DDX27: variants seen among roughly 807,000 people sequenced by gnomAD.
DDX27 encodes the protein probable ATP-dependent RNA helicase DDX27.
In DDX27, 42 loss-of-function variants were observed where a neutral mutation model predicts 99.3. That is an observed-to-expected ratio of 0.42 (90% CI 0.33 to 0.55). DDX27 has a LOEUF of 0.55. DDX27 is among the 20% of genes least tolerant of loss of function. The pLI, the probability that DDX27 is intolerant of heterozygous loss-of-function variation, is 0.07. For missense variants in DDX27, 798 were observed against 976.8 expected, an observed-to-expected ratio of 0.82 and a Z score of 2.44; for synonymous variants, 329 against 353.8, an observed-to-expected ratio of 0.93 and a Z score of 0.79.
chr20:49,220,159 C>T (rs1424465940), intron 1 of DDX27, among the ~76,000 whole-genome samples: 2 of 152,310 alleles, frequency 1.3e-5, no homozygotes, highest in African/African-American at 4.8e-5. Flanking sequence ...CCCATGGCCT[C>T]TACAAATTCA....
intron 16 of DDX27, among the ~76,000 whole-genome samples, chr20:49,240,629 G>T (rs531333625): frequency 1.3e-5 from 2 of 152,046 alleles, no homozygotes; most frequent in Non-Finnish European, 2.9e-5. Context: ...GGATTTCACC[G>T]TGTTAGCCAG....
chr20:49,233,994 G>A (rs1980218142), intron 11 of DDX27: 1 of 351,102 alleles, frequency 2.8e-6, no homozygotes, highest in South Asian at 6.5e-5. Context: ...TCTGTCGCCT[G>A]GATCGTTGCG....
chr20:49,234,670 C>T (rs1980246196), intron 11 of DDX27: 1 of 334,900 alleles, frequency 3.0e-6, no homozygotes, highest in Admixed American at 4.6e-5. Context: ...GATCATCTGC[C>T]TTGTCATTCA....
In DDX27 at chr20:49,219,442, C is replaced by A. The variant is rs763169436; in HGVS notation, c.-7C>A. On this transcript the variant is annotated 5_prime_UTR_variant, in exon 1 of 21. Coordinates refer to ENST00000618172, the MANE Select transcript of DDX27 (RefSeq NM_017895.8). ...TGCTCGCTTCCGGAAGTGGCTTCTG[C>A]GACAACATGCTTGCGGACCTCGGCT... 1.2e-6 allele frequency: 2 copies of A among 1,614,042 alleles called. No homozygotes were observed. Among genetic ancestry groups the A allele is most frequent in the Admixed American group, 1.7e-5 (1 of 60,000 alleles).
chr20:49,238,054 C>G (rs1898548121), intron 14 of DDX27: 1 of 152,222 alleles, frequency 6.6e-6, no homozygotes, highest in Non-Finnish European at 1.5e-5. Flanking sequence ...GAGTCTTGCT[C>G]TGTTGCCAGG....
chr20:49,236,076 TG>T lies in DDX27; in HGVS notation c.1428-73del. On this transcript the variant is annotated intron_variant, in intron 12 of 20. Coordinates refer to ENST00000618172, the MANE Select transcript of DDX27 (RefSeq NM_017895.8). This position sits in a 1 kb window ranked among gnomAD's most constrained non-coding sequence, Gnocchi z 4.1. Reference sequence around the variant, plus strand: ...CATTTTAATGCCCTGTTCTGTCCTCTGCTGGCTCAGGCTCTTGTGGAGCATT... The same window carrying T: ...CATTTTAATGCCCTGTTCTGTCCTCTCTGGCTCAGGCTCTTGTGGAGCATT... 2 of 1,437,696 alleles carry T rather than the reference TG, an allele frequency of 1.4e-6. No individual in the cohort carries two copies. Among genetic ancestry groups the T allele is most frequent in the Non-Finnish European group, 1.9e-6 (2 of 1,044,676 alleles). The allele number at this position is 1,437,696 out of a possible 1,614,324, so 89.1% of individuals were successfully genotyped here. A position where few individuals can be genotyped will look rare whatever the true frequency, so the allele number is the denominator to read the frequency against.
In DDX27 at chr20:49,239,071, G is replaced by A. The variant is rs753299754; in HGVS notation, c.1794+16G>A. ...AGAAGCCCAGGTGAGGCTGCGAGGC[G>A]GGATCTTGTTCACAAGGCTGCTCAG... On this transcript the variant is annotated intron_variant, in intron 15 of 20. Coordinates refer to ENST00000618172, the MANE Select transcript of DDX27 (RefSeq NM_017895.8). 10 of 1,604,728 alleles carry A rather than the reference G, an allele frequency of 6.2e-6. No individual in the cohort carries two copies. In the East Asian group the frequency reaches 8.9e-5, roughly 14 times the overall value.
chr20:49,242,871 G>A (rs528392165), intron 19 of DDX27, among the ~76,000 whole-genome samples, 190 bp downstream of exon 19: 3 of 152,038 alleles, frequency 2.0e-5, no homozygotes, highest in African/African-American at 7.3e-5. Context: ...ATAGGCGCAC[G>A]CCACCATGCC....
At chr20:49,228,083 C>T (rs981758790) in intron 7 of DDX27, among the ~76,000 whole-genome samples, 1 of 151,680 alleles carries the variant, frequency 6.6e-6, no homozygotes, top group Admixed American at 6.6e-5. Context: ...TCATGATCCA[C>T]CTGCCTCAGC....
chr20:49,223,255 A>G lies in DDX27; in HGVS notation c.301-13A>G. ...GAAGTTTCTCATCACCCTCACTTTA[A>G]TTTTTTTCCCAGGATAAAGAAGCCA... On this transcript the variant is annotated splice_polypyrimidine_tract_variant and intron_variant, in intron 3 of 20. Coordinates refer to ENST00000618172, the MANE Select transcript of DDX27 (RefSeq NM_017895.8). 6.2e-7 allele frequency: 1 copy of G among 1,601,030 alleles called. No homozygotes were observed. The highest frequency in any genetic ancestry group is 8.5e-7 in the Non-Finnish European group (1 of 1,176,596).
chr20:49,219,538 G>C lies in DDX27; in HGVS notation c.90G>C (p.Glu30Asp). The C allele has an allele frequency of 6.2e-7, 1 of 1,613,708 alleles. No homozygotes were observed. The highest frequency in any genetic ancestry group is 1.1e-5 in the South Asian group (1 of 91,038). ...AGTCTGACTCCGGGGACGAGGAAGA[G>C]GAGGTATGAGCACGGTTCTGGTCTT... is the stretch of plus-strand genomic sequence containing the variant. ...EPESDSGDEE[E>D]EGPIVLGRRQ... is the part of the protein sequence containing the mutation. Residue 30 changes from glutamate (E) to aspartate (D), a missense_variant, in exon 1 of 21, where the codon GAG becomes GAC. Physicochemically the swap from Glu to Asp is conservative, Grantham distance 45. Around this residue, in one of 2 missense-constraint regions of DDX27, gnomAD observed 245 missense variants for 248.8 expected, o/e 0.98. Transcript: ENST00000618172.
chr20:49,223,117 T>G, intron 3 of DDX27, 101 bp downstream of exon 3: 1 of 1,369,994 alleles, frequency 7.3e-7, no homozygotes, highest in East Asian at 2.3e-5. Context: ...GGGGCATGGC[T>G]GGGGCAGGCG....
At chr20:49,228,642 T>C in intron 7 of DDX27, 73 bp from the exon 8 acceptor site, 1 of 1,362,236 alleles carries the variant, frequency 7.3e-7, no homozygotes, top group Admixed American at 2.5e-5. Context: ...AGTTTTTCTG[T>C]GCTCTGGTGA....
chr20:49,228,801 G>T lies in DDX27; in HGVS notation c.793G>T (p.Val265Leu). ...TCCAGTCACCCGCGTGCTGGTGCTA[G>T]TGCCCACCCGAGAGCTGGGCATCCA... ...QAPVTRVLVL[V>L]PTRELGIQVH... is the part of the protein sequence containing the mutation. The change falls in exon 8 of 21, where the codon GTG becomes TTG. Residue 265 changes from valine to leucine, a missense_variant. Val to Leu is a conservative substitution (Grantham distance 32). Transcript: ENST00000618172. 1.2e-6 allele frequency: 2 copies of T among 1,613,398 alleles called. No homozygotes were observed. The highest frequency in any genetic ancestry group is 2.2e-5 in the South Asian group (2 of 90,996).
intron 9 of DDX27, among the ~76,000 whole-genome samples, chr20:49,232,083 C>T (rs1010695429): frequency 7.2e-5 from 11 of 151,976 alleles, no homozygotes; most frequent in Non-Finnish European, 1.3e-4. Flanking sequence ...GACGGGGTCT[C>T]GCTATGTTGT....
At chr20:49,229,329 C>T (rs762714478) in intron 8 of DDX27, among the ~76,000 whole-genome samples, 8 of 152,092 alleles carry the variant, frequency 5.3e-5, no homozygotes, top group Non-Finnish European at 5.9e-5. Context: ...CGCACCCAGC[C>T]GACATGTTTT....
rs145336910 is a variant in DDX27, at chr20:49,233,807, C to T, written c.1273+98C>T. The T allele has an allele frequency of 4.2e-5, 59 of 1,390,216 alleles. No homozygotes were observed. The South Asian group carries it at 5.3e-4, about 13-fold the overall frequency. The allele number at this position is 1,390,216 out of a possible 1,614,324, so 86.1% of individuals were successfully genotyped here. A position where few individuals can be genotyped will look rare whatever the true frequency, so the allele number is the denominator to read the frequency against. ...TGCTTGGTTTCCCCTGCGCCTCTGCCGTCCAGTCTTCCCCAGCGCAGAGGC... is the reference window on the plus strand; with the variant it reads ...TGCTTGGTTTCCCCTGCGCCTCTGCTGTCCAGTCTTCCCCAGCGCAGAGGC... On this transcript the variant is annotated intron_variant, in intron 11 of 20. Coordinates refer to ENST00000618172, the MANE Select transcript of DDX27 (RefSeq NM_017895.8).
At chr20:49,226,346 C>A in intron 6 of DDX27, 84 bp from the exon 7 acceptor site, 1 of 973,770 alleles carries the variant, frequency 1.0e-6, no homozygotes, top group South Asian at 1.6e-5. Flanking sequence ...GTGTGGTCCC[C>A]ACTTGTCTGG....
chr20:49,225,248 A>C (rs60294733), intron 6 of DDX27, 49 bp downstream of exon 6: 1 of 1,436,684 alleles, frequency 7.0e-7, no homozygotes, highest in Admixed American at 1.7e-5. Flanking sequence ...TGGTCTTGCT[A>C]TGTTGTCCAA....
Sources: allele counts gnomAD v4.1 joint callset (sites outside exome capture counted in the v4.1 genomes callset), GRCh38; gene constraint gnomAD v4.1.1; regional missense constraint gnomAD v4.1.1; non-coding constraint Gnocchi (gnomAD v3.1); transcripts MANE v1.5; gene names NCBI Gene and HGNC (gene_info 2026-07-23, HGNC 2026-07-21).